The following SLC47A1 variants were observed in gnomAD, a reference collection of about 807,000 sequenced individuals.
The protein encoded by SLC47A1 is multidrug and toxin extrusion protein 1.
SLC47A1 carries 58 observed loss-of-function variants against 65.8 expected under a neutral mutation model. That is an observed-to-expected ratio of 0.88 (90% confidence interval 0.71 to 1.10). SLC47A1 has a LOEUF of 1.10. Among genes scored for constraint, SLC47A1 ranks in the 50% least tolerant of loss-of-function variants. The pLI is 0.00. For missense variants in SLC47A1, 706 were observed against 719.2 expected (o/e 0.98, Z 0.21); for synonymous variants, 285 against 295.0 (o/e 0.97, Z 0.35).
chr17:19,544,933 G>T (rs188590122), intron 2 of SLC47A1, among the ~76,000 whole-genome samples: 35 of 152,308 alleles, frequency 2.3e-4, no homozygotes, highest in African/African-American at 7.5e-4. Context: ...GAGATGGCAG[G>T]TTGCAACAGT....
At chr17:19,569,798 T>TA (rs2084385899) in intron 14 of SLC47A1, among the ~76,000 whole-genome samples, 1 of 152,240 alleles carries the variant, frequency 6.6e-6, no homozygotes, top group Admixed American at 6.5e-5. Context: ...ACTTTCAAAT[T>TA]ATAGCTGGAG....
intron 2 of SLC47A1, 146 bp from the exon 3 acceptor site, chr17:19,546,289 G>A (rs1916289302): frequency 1.4e-6 from 1 of 689,690 alleles, no homozygotes; most frequent in Admixed American, 2.4e-5. Context: ...CAGTATGAGT[G>A]GGGTCCAGGC....
At chr17:19,569,624 G>A (rs2084384873) in intron 14 of SLC47A1, among the ~76,000 whole-genome samples, 1 of 152,182 alleles carries the variant, frequency 6.6e-6, no homozygotes, top group Non-Finnish European at 1.5e-5. Context: ...GCAACCTCAG[G>A]AAATCATAAT....
Position 19,539,164 on chromosome 17 carries a change from G to C in SLC47A1, c.136-3229G>C, listed in dbSNP as rs187808341. On this transcript the variant is annotated intron_variant, in intron 1 of 16. Coordinates refer to ENST00000270570, the MANE Select transcript of SLC47A1 (RefSeq NM_018242.3). ...GGGCTCAAGCAGTCCTCTTGCCTCAGCCTCCCCAAGTGCTGCGATTGCAGG... is the reference window on the plus strand; with the variant it reads ...GGGCTCAAGCAGTCCTCTTGCCTCACCCTCCCCAAGTGCTGCGATTGCAGG... Among the ~76,000 whole-genome samples the C allele has an allele frequency of 3.8e-3, 574 of 152,226 alleles. 4 individuals carry two copies. The highest frequency in any genetic ancestry group is 5.9e-3 in the Non-Finnish European group (404 of 68,020).
intron 2 of SLC47A1, among the ~76,000 whole-genome samples, chr17:19,545,312 A>G (rs192555447): frequency 6.6e-6 from 1 of 151,962 alleles, no homozygotes; most frequent in East Asian, 1.9e-4. Flanking sequence ...CTCCTGCCTC[A>G]GCCTCCTGAG....
Position 19,551,435 on chromosome 17 carries a change from T to TG in SLC47A1, c.510_511insG (p.Tyr171ValfsTer6). 6.2e-7 allele frequency: 1 copy of TG among 1,609,306 alleles called. No homozygotes were observed. The highest frequency in any genetic ancestry group is 1.1e-5 in the South Asian group (1 of 90,992). On this transcript the variant is annotated frameshift_variant, in exon 6 of 17. Coordinates refer to ENST00000270570, the MANE Select transcript of SLC47A1 (RefSeq NM_018242.3). LOFTEE classifies it high-confidence loss of function. Reference sequence around the variant, plus strand: ...TTGTTCTCTTGTAGGCAACCTTTCTTTATATGTTACAAGTTAAATATTTGC... The same window carrying TG: ...TTGTTCTCTTGTAGGCAACCTTTCTTGTATATGTTACAAGTTAAATATTTGC...
chr17:19,564,586 T>C (rs2084341615), intron 12 of SLC47A1: 2 of 152,278 alleles, frequency 1.3e-5, no homozygotes, highest in African/African-American at 4.8e-5. Context: ...CTTTGCTTAC[T>C]ATCTTGTTCA....
intron 13 of SLC47A1, 116 bp downstream of exon 13, chr17:19,566,975 G>A (rs964038562): frequency 1.8e-5 from 29 of 1,590,286 alleles, no homozygotes; most frequent in East Asian, 6.7e-5. Flanking sequence ...ACCACATTTC[G>A]TTTAGAAGGA....
chr17:19,572,907 G>T (rs1267775369), intron 16 of SLC47A1, 46 bp downstream of exon 16: 3 of 1,535,352 alleles, frequency 2.0e-6, no homozygotes, highest in Non-Finnish European at 1.8e-6. Flanking sequence ...GTCTAGGTAG[G>T]ACTGGAGGGG....
intron 1 of SLC47A1, among the ~76,000 whole-genome samples, chr17:19,540,876 ACC>A (rs1555624513): frequency 6.7e-6 from 1 of 149,874 alleles, no homozygotes; most frequent in Non-Finnish European, 1.5e-5. Flanking sequence ...ACACACACAC[ACC>A]CCTAGGGTTA....
chr17:19,534,925 G>A (rs1368096902), intron 1 of SLC47A1: 1 of 152,176 alleles, frequency 6.6e-6, no homozygotes, highest in East Asian at 1.9e-4. Context: ...AGAAGCAACT[G>A]GTATGCACTT....
At chr17:19,548,655 A>T (rs889854630) in intron 4 of SLC47A1, among the ~76,000 whole-genome samples, 2 of 151,938 alleles carry the variant, frequency 1.3e-5, no homozygotes, top group Non-Finnish European at 2.9e-5. Flanking sequence ...ACCTACTACC[A>T]CGCCTGGCTA....
chr17:19,536,628 A>G (rs1309125043), intron 1 of SLC47A1, among the ~76,000 whole-genome samples: 1 of 152,150 alleles, frequency 6.6e-6, no homozygotes, highest in African/African-American at 2.4e-5. Context: ...CATGAAGTGT[A>G]TGTGGACCGG....
intron 14 of SLC47A1, among the ~76,000 whole-genome samples, chr17:19,567,564 C>T (rs2084369499): frequency 6.6e-6 from 1 of 152,234 alleles, no homozygotes; most frequent in African/African-American, 2.4e-5. Context: ...GCTGAAGAAG[C>T]ATTTGGAAGC....
intron 10 of SLC47A1, among the ~76,000 whole-genome samples, chr17:19,556,498 AAC>A (rs1445897384): frequency 2.0e-5 from 3 of 152,020 alleles, no homozygotes; most frequent in African/African-American, 4.8e-5. Flanking sequence ...AGCCTCTGAA[AAC>A]ACAGTGTGGC....
At chr17:19,537,726 C>T (rs1021028481) in intron 1 of SLC47A1, among the ~76,000 whole-genome samples, 2 of 152,214 alleles carry the variant, frequency 1.3e-5, no homozygotes, top group Non-Finnish European at 2.9e-5. Context: ...GAGCTTGTGC[C>T]TCCTGCTCAG....
At chr17:19,551,045 G>A (rs1021766123) in intron 5 of SLC47A1, among the ~76,000 whole-genome samples, 2 of 152,170 alleles carry the variant, frequency 1.3e-5, no homozygotes, top group Non-Finnish European at 2.9e-5. Flanking sequence ...CTGAAACCTT[G>A]TAAATGTGAC....
intron 16 of SLC47A1, among the ~76,000 whole-genome samples, chr17:19,575,207 A>G (rs1027375005): frequency 2.0e-5 from 3 of 151,312 alleles, no homozygotes; most frequent in Non-Finnish European, 4.4e-5. Context: ...AAGTGCTGGG[A>G]TTAGAGGCAT....
intron 6 of SLC47A1, among the ~76,000 whole-genome samples, chr17:19,554,908 G>A (rs1464389241): frequency 9.2e-5 from 14 of 152,110 alleles, no homozygotes; most frequent in Non-Finnish European, 2.1e-4. Context: ...TTTAGCCCCT[G>A]CCAGTCCTTG....
Sources: allele counts gnomAD v4.1 joint callset (sites outside exome capture counted in the v4.1 genomes callset), GRCh38; gene constraint gnomAD v4.1.1; transcripts MANE v1.5; gene names NCBI Gene and HGNC (gene_info 2026-07-23, HGNC 2026-07-21).